CFAP20DC: variants seen among roughly 807,000 people sequenced by gnomAD.
CFAP20DC encodes the protein protein CFAP20DC.
Under a neutral mutation model 101.7 loss-of-function variants are expected in CFAP20DC, and 84 were observed. The ratio of observed to expected loss-of-function variants is 0.83; its 90% CI spans 0.69 to 0.99. CFAP20DC has a LOEUF of 0.99. Ranked by LOEUF, CFAP20DC falls within the 50% of genes least tolerant of loss-of-function variation. The pLI is 0.00. For missense variants in CFAP20DC, 1,007 were observed against 970.3 expected, an observed-to-expected ratio of 1.04 and a Z score of -0.50; for synonymous variants, 359 against 351.2, an observed-to-expected ratio of 1.02 and a Z score of -0.25.
At chr3:58,817,006 G>C (rs889060782) in intron 14 of CFAP20DC, among the ~76,000 whole-genome samples, 1 of 152,124 alleles carries the variant, frequency 6.6e-6, no homozygotes, top group East Asian at 1.9e-4. Flanking sequence ...AGCCTAACTG[G>C]GAGGCACCCC....
chr3:58,798,036 T>C (rs186211968), intron 15 of CFAP20DC, among the ~76,000 whole-genome samples: 10 of 152,278 alleles, frequency 6.6e-5, no homozygotes, highest in Admixed American at 3.3e-4. Flanking sequence ...TGAGCTCCAA[T>C]GAAGATGTAC....
intron 7 of CFAP20DC, among the ~76,000 whole-genome samples, chr3:58,881,877 T>C (rs1375117429): frequency 1.3e-5 from 2 of 152,182 alleles, no homozygotes; most frequent in Non-Finnish European, 2.9e-5. Context: ...TTGGGCATTA[T>C]TCATTAGCTA....
intron 15 of CFAP20DC, among the ~76,000 whole-genome samples, 192 bp from the exon 16 acceptor site, chr3:58,754,055 C>A (rs1457388117): frequency 6.6e-6 from 1 of 152,132 alleles, no homozygotes; most frequent in Non-Finnish European, 1.5e-5. Context: ...AATCACTTAA[C>A]TAGCCAGTTT....
chr3:58,812,270 G>T (rs1471083837), intron 14 of CFAP20DC, among the ~76,000 whole-genome samples: 1 of 152,084 alleles, frequency 6.6e-6, no homozygotes, highest in Non-Finnish European at 1.5e-5. Flanking sequence ...GTTTATTGCG[G>T]CTCTATTCAC....
intron 15 of CFAP20DC, among the ~76,000 whole-genome samples, chr3:58,777,577 C>G (rs931828754): frequency 6.6e-6 from 1 of 152,178 alleles, no homozygotes; most frequent in Non-Finnish European, 1.5e-5. Flanking sequence ...ATTTTCCCAA[C>G]AGAAAAATAA....
intron 15 of CFAP20DC, among the ~76,000 whole-genome samples, chr3:58,760,318 T>G (rs1265114700): frequency 6.6e-6 from 1 of 152,340 alleles, no homozygotes; most frequent in African/African-American, 2.4e-5. Flanking sequence ...AGTTCACTCA[T>G]GATTTTGCTC....
chr3:58,854,705 T>C (rs1431016605), intron 12 of CFAP20DC, among the ~76,000 whole-genome samples: 1 of 151,794 alleles, frequency 6.6e-6, no homozygotes, highest in Non-Finnish European at 1.5e-5. Context: ...ATCTGATCTT[T>C]GACAAACCTG....
chr3:59,021,987 C>T (rs1248407611), intron 4 of CFAP20DC, among the ~76,000 whole-genome samples: 1 of 151,928 alleles, frequency 6.6e-6, no homozygotes, highest in Non-Finnish European at 1.5e-5. Context: ...AAATAAGTTG[C>T]TTTGTTTTTT....
At chr3:58,838,236 G>T (rs2076870658) in intron 13 of CFAP20DC, among the ~76,000 whole-genome samples, 1 of 152,050 alleles carries the variant, frequency 6.6e-6, no homozygotes, top group South Asian at 2.1e-4. Flanking sequence ...TAAATTTAAG[G>T]GTTGCTATAT....
intron 15 of CFAP20DC, among the ~76,000 whole-genome samples, chr3:58,781,058 AT>A (rs1370382688): frequency 6.6e-6 from 1 of 151,990 alleles, no homozygotes; most frequent in Non-Finnish European, 1.5e-5. Context: ...GTGTCAATAC[AT>A]TTTTAAACAT....
At chr3:58,867,767 T>G (rs201674194) in intron 10 of CFAP20DC, 50 bp downstream of exon 10, 4 of 1,604,898 alleles carry the variant, frequency 2.5e-6, no homozygotes, top group Non-Finnish European at 3.4e-6. Flanking sequence ...AGAGATTCGA[T>G]TGCCCTGAAT....
intron 3 of CFAP20DC, among the ~76,000 whole-genome samples, chr3:58,725,603 A>G (rs2067538013): frequency 6.6e-6 from 1 of 152,210 alleles, no homozygotes; most frequent in Non-Finnish European, 1.5e-5. Flanking sequence ...GACACCCACG[A>G]CAGTTCCCCA....
At position 58,864,407 on chromosome 3, in the gene CFAP20DC, C is replaced by A. The variant is rs761725078; in HGVS notation, c.1259-515G>T. 2.6e-5 allele frequency among the ~76,000 whole-genome samples: 4 copies of A among 152,186 alleles called. No individual in the cohort carries two copies. The highest frequency in any genetic ancestry group is 4.4e-5 in the Non-Finnish European group (3 of 68,028). On this transcript the variant is annotated intron_variant, in intron 11 of 16. Transcript: ENST00000482387. The surrounding 1 kb of genome is among the most constrained non-coding windows in gnomAD (Gnocchi z 4.7). The stretch of plus-strand genomic sequence containing the variant: ...ATACATCAGTGCCTATAGCTATGGG[C>A]AACTCATTTGCACTTCCTCTCCATT...
At chr3:58,833,219 A>C (rs1333233456) in intron 13 of CFAP20DC, among the ~76,000 whole-genome samples, 1 of 152,168 alleles carries the variant, frequency 6.6e-6, no homozygotes, top group African/African-American at 2.4e-5. Context: ...GACTTCCTAA[A>C]AAGTTGCCAG....
At chr3:58,754,868 G>C (rs561282299) in intron 15 of CFAP20DC, among the ~76,000 whole-genome samples, 3 of 152,248 alleles carry the variant, frequency 2.0e-5, no homozygotes, top group African/African-American at 7.2e-5. Flanking sequence ...CAAAAGAGTT[G>C]AGTGTTAGGA....
chr3:58,858,679 AT>A (rs2079023300), intron 12 of CFAP20DC, among the ~76,000 whole-genome samples: 1 of 152,172 alleles, frequency 6.6e-6, no homozygotes, highest in Admixed American at 6.5e-5. Flanking sequence ...AGTCTTAAAA[AT>A]TCTGTAAAAA....
chr3:58,814,161 A>G (rs1029125183), intron 14 of CFAP20DC, among the ~76,000 whole-genome samples: 1 of 151,820 alleles, frequency 6.6e-6, no homozygotes, highest in African/African-American at 2.4e-5. Context: ...CAGACCTGAT[A>G]TTCAGGTGAA....
chr3:58,735,073 T>C (rs1185103956), intron 3 of CFAP20DC, among the ~76,000 whole-genome samples: 1 of 152,202 alleles, frequency 6.6e-6, no homozygotes, highest in Non-Finnish European at 1.5e-5. Context: ...TTTAACTTAA[T>C]AATGCTAAGT....
At chr3:58,833,157 T>C (rs2076510523) in intron 13 of CFAP20DC, among the ~76,000 whole-genome samples, 1 of 152,194 alleles carries the variant, frequency 6.6e-6, no homozygotes. Context: ...AACATTATTA[T>C]CTTCATAATT....
Sources: gnomAD v4.1 joint callset for allele counts (sites outside exome capture counted in the v4.1 genomes callset) on GRCh38, gnomAD v4.1.1 for gene constraint, Gnocchi (gnomAD v3.1) non-coding constraint, MANE v1.5 for transcripts, NCBI Gene and HGNC (gene_info 2026-07-23, HGNC 2026-07-21) for gene names.